RP1L1: variants seen among roughly 807,000 people sequenced by gnomAD.
RP1L1 encodes the protein RP1 like 1, also known as retinitis pigmentosa 1-like 1 protein.
RP1L1 carries 27 observed loss-of-function variants against 15.7 expected under a neutral mutation model. The ratio of observed to expected loss-of-function variants is 1.72; its 90% CI spans 1.27 to 2.38. The LOEUF is 2.38. Among genes scored for constraint, RP1L1 ranks in the 30% most tolerant of loss-of-function variants. RP1L1 has a pLI of 0.00. For missense variants in RP1L1, 4,798 were observed against 3,075.9 expected (o/e 1.56, Z -13.24); for synonymous variants, 1,813 against 1,276.7 (o/e 1.42, Z -8.96).
Position 10,622,917 on chromosome 8 carries a change from C to T in RP1L1, c.285G>A (p.Gln95=). ...RGLHSLSALE[Q]LEDGGCYLCS... is the part of the protein sequence containing the mutation. ...AGAGGTAGCAGCCTCCATCTTCCAG[C>T]TGCTCCAGGGCGCTGAGGCTATGCA... Residue 95 remains glutamine, a synonymous_variant, in exon 2 of 4, where the codon CAG becomes CAA. Coordinates refer to ENST00000382483, the MANE Select transcript of RP1L1 (RefSeq NM_178857.6). The T allele has an allele frequency of 1.2e-6, 2 of 1,614,032 alleles. No individual in the cohort carries two copies. The highest frequency in any genetic ancestry group is 2.2e-5 in the South Asian group (2 of 91,076).
intron 1 of RP1L1, among the ~76,000 whole-genome samples, chr8:10,645,787 T>G (rs1286826154): frequency 6.6e-6 from 1 of 152,104 alleles, no homozygotes; most frequent in Non-Finnish European, 1.5e-5. Context: ...CAGAGTCAAT[T>G]AGACCAGGCA....
intron 2 of RP1L1, chr8:10,621,087 T>C (rs886514985): frequency 1.3e-5 from 2 of 152,214 alleles, no homozygotes; most frequent in Non-Finnish European, 2.9e-5. Context: ...TTTTCTTTGT[T>C]CTTTATTTCC....
At chr8:10,650,381 G>T (rs866219423) in intron 1 of RP1L1, among the ~76,000 whole-genome samples, 1 of 152,082 alleles carries the variant, frequency 6.6e-6, no homozygotes, top group Admixed American at 6.6e-5. Context: ...CGACCAAAGG[G>T]GCCAACAAGA....
chr8:10,653,735 G>A (rs544290017), intron 1 of RP1L1, among the ~76,000 whole-genome samples: 2 of 152,320 alleles, frequency 1.3e-5, no homozygotes, highest in South Asian at 4.1e-4. Context: ...TTAGAAGAGA[G>A]CAGCAGGCCT....
intron 1 of RP1L1, among the ~76,000 whole-genome samples, chr8:10,654,235 G>C (rs995265297): frequency 2.4e-4 from 36 of 152,240 alleles, no homozygotes; most frequent in African/African-American, 8.4e-4. Flanking sequence ...AAAGAGAGCA[G>C]ACCCCAGTTT....
intron 2 of RP1L1, among the ~76,000 whole-genome samples, chr8:10,620,908 T>C (rs1408335803): frequency 3.3e-5 from 5 of 152,080 alleles, no homozygotes; most frequent in Admixed American, 6.6e-5. Flanking sequence ...AGGAATATGG[T>C]TCGGTCACTC....
At position 10,606,743 on chromosome 8, in the gene RP1L1, G is replaced by T; in HGVS notation, c.*152C>A. 2 of 1,291,876 alleles carry T rather than the reference G, an allele frequency of 1.5e-6. No individual in the cohort carries two copies. The highest frequency in any genetic ancestry group is 2.3e-5 in the Admixed American group (1 of 44,350). 80.0% of individuals were successfully genotyped at this position (1,291,876 alleles called of 1,614,324 possible). The stretch of plus-strand genomic sequence containing the variant: ...TTCTGGACTTAAGAGTCCCAGGACA[G>T]CATGGCATGGGCTGTGTCCTTGGCA... On this transcript the variant is annotated 3_prime_UTR_variant, in exon 4 of 4. Transcript: ENST00000382483.
chr8:10,636,994 G>C (rs772356741), intron 1 of RP1L1, among the ~76,000 whole-genome samples: 1 of 152,218 alleles, frequency 6.6e-6, no homozygotes, highest in Non-Finnish European at 1.5e-5. Flanking sequence ...AGGGCTCTAC[G>C]TGGGGCCACT....
Position 10,610,931 on chromosome 8 carries a change from G to T in RP1L1, c.3167C>A (p.Ala1056Glu). The change falls in exon 4 of 4, where the codon GCA (alanine) becomes GAA (glutamate). Residue 1056 changes from alanine to glutamate, a missense_variant. Transcript: ENST00000382483. ...AAPEGVSEAP[A>E]EAGADREAPA... ...GGCCTCTCTGTCTGCTCCGGCCTCTGCAGGGGCCTCGGAAACTCCCTCTGG... is the reference window on the plus strand; with the variant it reads ...GGCCTCTCTGTCTGCTCCGGCCTCTTCAGGGGCCTCGGAAACTCCCTCTGG... 6.2e-7 allele frequency: 1 copy of T among 1,611,288 alleles called. No individual in the cohort carries two copies. Among genetic ancestry groups the T allele is most frequent in the Non-Finnish European group, 8.5e-7 (1 of 1,179,372 alleles).
chr8:10,617,698 A>G (rs996350264), intron 2 of RP1L1, among the ~76,000 whole-genome samples: 5 of 151,606 alleles, frequency 3.3e-5, no homozygotes, highest in African/African-American at 1.2e-4. Flanking sequence ...CTGGGACTAC[A>G]GGTGCCCGCC....
intron 2 of RP1L1, 35 bp downstream of exon 2, chr8:10,622,558 C>T (rs1798077377): frequency 1.2e-6 from 2 of 1,613,898 alleles, no homozygotes; most frequent in Non-Finnish European, 1.7e-6. Flanking sequence ...GTCTAAAGAA[C>T]CTTTTCAAGG....
intron 1 of RP1L1, among the ~76,000 whole-genome samples, chr8:10,631,360 CAA>C (rs1491404012): frequency 1.2e-4 from 5 of 40,080 alleles, no homozygotes; most frequent in East Asian, 4.3e-4. Flanking sequence ...CACATGCACA[CAA>C]ACACACATGC....
chr8:10,618,272 G>T (rs1351698480), intron 2 of RP1L1, among the ~76,000 whole-genome samples: 1 of 152,104 alleles, frequency 6.6e-6, no homozygotes. Context: ...GGCCGAGGTG[G>T]GTAGATCCCT....
At chr8:10,621,878 G>T (rs1375791931) in intron 2 of RP1L1, 4 of 427,620 alleles carry the variant, frequency 9.4e-6, no homozygotes, top group African/African-American at 8.1e-5. Flanking sequence ...CATTCCTGCA[G>T]ACCCAGCTTC....
rs1167874223 is a variant in RP1L1 at position 10,616,436 on chromosome 8, A to T, written c.751+10T>A. The T allele has an allele frequency of 6.2e-7, 1 of 1,614,176 alleles. No individual in the cohort carries two copies. Among genetic ancestry groups the T allele is most frequent in the Middle Eastern group, 1.6e-4 (1 of 6,062 alleles). Reference sequence around the variant, plus strand: ...CAAATCAGATGGGGGAAACCCAAAAACCAACTCACCGTTTTTGTTTCTTGA... The same window carrying T: ...CAAATCAGATGGGGGAAACCCAAAATCCAACTCACCGTTTTTGTTTCTTGA... On this transcript the variant is annotated intron_variant, in intron 3 of 3. Coordinates refer to ENST00000382483, the MANE Select transcript of RP1L1 (RefSeq NM_178857.6).
At chr8:10,622,070 C>G (rs1236273122) in intron 2 of RP1L1, among the ~76,000 whole-genome samples, 8 of 152,050 alleles carry the variant, frequency 5.3e-5, no homozygotes, top group Non-Finnish European at 1.0e-4. Flanking sequence ...GCCTGTAATC[C>G]CAGCACTTTG....
intron 1 of RP1L1, among the ~76,000 whole-genome samples, chr8:10,631,263 G>C (rs969074646): frequency 7.1e-6 from 1 of 140,042 alleles, no homozygotes; most frequent in African/African-American, 2.8e-5. Context: ...GCACACACAC[G>C]CACACAAACA....
In RP1L1 at chr8:10,608,698, C is replaced by T. The variant is rs1446106961; in HGVS notation, c.5400G>A (p.Arg1800=). The T allele has an allele frequency of 1.2e-6, 2 of 1,614,242 alleles. No individual in the cohort carries two copies. The highest frequency in any genetic ancestry group is 1.7e-6 in the Non-Finnish European group (2 of 1,180,050). Residue 1800 remains arginine, a synonymous_variant, in exon 4 of 4, where the codon AGG becomes AGA. Transcript: ENST00000382483. ...AEQEGEGISE[R]GETGGQGSGH... is the part of the protein sequence containing the mutation. ...CAGAGCCTTGACCCCCAGTTTCTCC[C>T]CTTTCACTTATGCCCTCTCCCTCCT...
rs74638396 is a variant in RP1L1, at chr8:10,607,282, G to A, written c.6816C>T (p.Val2272=). The stretch of plus-strand genomic sequence containing the variant: ...GGGGTGGAGTGGGCCTGTCCTCAGG[G>A]ACTGGGCTGCTGCTTTCAGAAGCCT... The part of the protein sequence containing the change: ...SEEASESSSP[V]PEDRPTPPPS... The change falls in exon 4 of 4, where the codon GTC becomes GTT. Residue 2272 remains valine, a synonymous_variant. Transcript: ENST00000382483. 2,857 of 1,614,224 alleles carry A rather than the reference G, an allele frequency of 1.8e-3. 36 individuals are homozygous for A. In the African/African-American group the frequency reaches 0.032, roughly 18 times the overall value.
Sources: gnomAD v4.1 joint callset for allele counts (sites outside exome capture counted in the v4.1 genomes callset) on GRCh38, gnomAD v4.1.1 for gene constraint, MANE v1.5 for transcripts, NCBI Gene and HGNC (gene_info 2026-07-23, HGNC 2026-07-21) for gene names.